The following TTLL5 variants were observed in gnomAD, a reference collection of about 807,000 sequenced individuals.
The protein encoded by TTLL5 is tubulin polyglutamylase TTLL5.
Under a neutral mutation model 168.4 loss-of-function variants are expected in TTLL5, and 132 were observed. The observed-to-expected ratio is 0.78, with a 90% CI of 0.68 to 0.91. The LOEUF (loss-of-function observed/expected upper bound fraction) is 0.91. Among genes scored for constraint, TTLL5 ranks in the 40% least tolerant of loss-of-function variants. TTLL5 has a pLI of 0.00. For missense variants in TTLL5, 1,545 were observed against 1,581.5 expected (o/e 0.98, Z 0.39); for synonymous variants, 546 against 558.6 (o/e 0.98, Z 0.32).
At chr14:75,898,881 T>C (rs2032794928) in intron 30 of TTLL5, among the ~76,000 whole-genome samples, 1 of 152,240 alleles carries the variant, frequency 6.6e-6, no homozygotes, top group Non-Finnish European at 1.5e-5. Flanking sequence ...GGCTGCCAGT[T>C]AATTACCTTG....
chr14:75,910,627 T>A (rs1285939754), intron 31 of TTLL5, among the ~76,000 whole-genome samples: 1 of 152,218 alleles, frequency 6.6e-6, no homozygotes, highest in Non-Finnish European at 1.5e-5. Context: ...CACGCCTGTC[T>A]TTGGAAAAAG....
intron 7 of TTLL5, among the ~76,000 whole-genome samples, chr14:75,705,759 A>G (rs1886610127): frequency 6.6e-6 from 1 of 152,208 alleles, no homozygotes. Context: ...TGTAGCTATT[A>G]TCAACCTAAT....
intron 31 of TTLL5, among the ~76,000 whole-genome samples, chr14:75,912,056 C>T (rs934120947): frequency 3.7e-5 from 2 of 54,598 alleles, no homozygotes; most frequent in Admixed American, 2.4e-4. Context: ...AACAGCAGCT[C>T]GGGTTAGCCC....
In TTLL5 at chr14:75,773,923, T is replaced by TAGAG. The variant is rs1250809385; in HGVS notation, c.2137-1560_2137-1559insGAGA. ...AAAAAAATACATATATATATATATA[T>TAGAG]ATATAGAGAGAGAGAGAGAGAGAGA... On this transcript the variant is annotated intron_variant, in intron 21 of 31. Coordinates refer to ENST00000298832, the MANE Select transcript of TTLL5 (RefSeq NM_015072.5). Among the ~76,000 whole-genome samples, 45 of 27,716 alleles carry TAGAG rather than the reference T, an allele frequency of 1.6e-3. 1 individual carries two copies. Among genetic ancestry groups the TAGAG allele is most frequent in the Admixed American group, 2.5e-3 (4 of 1,600 alleles). The allele number at this position is 27,716 out of a possible 152,430, so 18.2% of individuals were successfully genotyped here.
chr14:75,927,525 T>C (rs1225212842), intron 31 of TTLL5, among the ~76,000 whole-genome samples: 1 of 152,224 alleles, frequency 6.6e-6, no homozygotes, highest in Non-Finnish European at 1.5e-5. Context: ...GCAAATTGTC[T>C]TCACATCTTA....
intron 17 of TTLL5, among the ~76,000 whole-genome samples, chr14:75,746,247 C>CATT (rs569844412): frequency 1.3e-5 from 2 of 151,962 alleles, no homozygotes; most frequent in African/African-American, 2.4e-5. Context: ...AAGAATAGTT[C>CATT]ATTATTATTA....
chr14:75,718,443 G>A (rs1887611749), intron 10 of TTLL5, among the ~76,000 whole-genome samples: 2 of 152,144 alleles, frequency 1.3e-5, no homozygotes, highest in South Asian at 4.1e-4. Context: ...GAAAAAGCAG[G>A]TTATCAGATA....
chr14:75,803,466 C>T (rs1185049753), intron 27 of TTLL5, among the ~76,000 whole-genome samples: 1 of 152,174 alleles, frequency 6.6e-6, no homozygotes, highest in Non-Finnish European at 1.5e-5. Context: ...ATGTGAGCAG[C>T]GGCCACTTCA....
At chr14:75,878,628 C>T (rs2031631803) in intron 29 of TTLL5, among the ~76,000 whole-genome samples, 1 of 152,114 alleles carries the variant, frequency 6.6e-6, no homozygotes, top group Admixed American at 6.5e-5. Context: ...CATTATGACC[C>T]AAACAAAGTC....
intron 15 of TTLL5, among the ~76,000 whole-genome samples, chr14:75,735,556 C>G (rs898437570): frequency 1.3e-5 from 2 of 152,094 alleles, no homozygotes; most frequent in African/African-American, 4.8e-5. Flanking sequence ...TTAAAAATCA[C>G]GTTTTTTCCG....
chr14:75,914,193 A>C (rs1424839384), intron 31 of TTLL5, among the ~76,000 whole-genome samples: 2 of 151,134 alleles, frequency 1.3e-5, no homozygotes, highest in African/African-American at 2.4e-5. Context: ...TTTATATCAC[A>C]AAGTTTAACA....
Position 75,882,745 on chromosome 14 carries a change from G to C in TTLL5, c.3583G>C (p.Gly1195Arg), listed in dbSNP as rs774135584. ...TTTATGGACAATGAATAATGGTGCAGGTTGTAGAATTTCCAGTGCCACAGC... is the reference window on the plus strand; with the variant it reads ...TTTATGGACAATGAATAATGGTGCACGTTGTAGAATTTCCAGTGCCACAGC... The part of the protein sequence containing the change: ...SNLWTMNNGA[G>R]CRISSATASG... Residue 1195 changes from glycine (G) to arginine (R), a missense_variant, in exon 30 of 32, where the codon GGT becomes CGT. Physicochemically the swap from Gly to Arg is moderately radical, Grantham distance 125 (BLOSUM62 -2). Transcript: ENST00000298832. The C allele has an allele frequency of 6.2e-6, 10 of 1,613,976 alleles. No homozygotes were observed. In the East Asian group the frequency reaches 1.6e-4, roughly 25 times the overall value.
chr14:75,836,411 G>A (rs1255429580), intron 28 of TTLL5, among the ~76,000 whole-genome samples: 1 of 151,576 alleles, frequency 6.6e-6, no homozygotes, highest in Admixed American at 6.6e-5. Context: ...ATGGGGGTTA[G>A]GGGTGACAGG....
intron 27 of TTLL5, among the ~76,000 whole-genome samples, chr14:75,802,176 T>G (rs1595064517): frequency 6.6e-6 from 1 of 152,200 alleles, no homozygotes; most frequent in African/African-American, 2.4e-5. Context: ...ATTCATTATT[T>G]TCTTGCCTTA....
At chr14:75,824,020 C>G (rs191767618) in intron 28 of TTLL5, among the ~76,000 whole-genome samples, 14 of 152,296 alleles carry the variant, frequency 9.2e-5, no homozygotes, top group African/African-American at 3.1e-4. Context: ...AGAAATGTTG[C>G]TGGAGATTCA....
intron 31 of TTLL5, among the ~76,000 whole-genome samples, chr14:75,949,508 A>T (rs1267939239): frequency 6.7e-6 from 1 of 149,828 alleles, no homozygotes; most frequent in African/African-American, 2.4e-5. Flanking sequence ...CCTTACCAAG[A>T]GATGCTTTAA....
At chr14:75,773,907 C>CATATATATATATATAT (rs34160638) in intron 21 of TTLL5, among the ~76,000 whole-genome samples, 2 of 28,796 alleles carry the variant, frequency 6.9e-5, no homozygotes, top group African/African-American at 1.0e-4. Context: ...AAAAAAAATA[C>CATATATATATATATAT]ATATATATAT....
chr14:75,891,749 G>A (rs544068968), intron 30 of TTLL5, among the ~76,000 whole-genome samples: 1 of 152,290 alleles, frequency 6.6e-6, no homozygotes, highest in African/African-American at 2.4e-5. Flanking sequence ...TAGCGTATGG[G>A]AGACAGTAGA....
intron 30 of TTLL5, among the ~76,000 whole-genome samples, chr14:75,901,704 C>T (rs2032929330): frequency 1.3e-5 from 2 of 152,200 alleles, no homozygotes; most frequent in African/African-American, 4.8e-5. Context: ...TCTCCTTCCC[C>T]ACTTCCCCAG....
Sources: allele counts gnomAD v4.1 joint callset (sites outside exome capture counted in the v4.1 genomes callset), GRCh38; gene constraint gnomAD v4.1.1; transcripts MANE v1.5; gene names NCBI Gene and HGNC (gene_info 2026-07-23, HGNC 2026-07-21).